NMT1: variants seen among roughly 807,000 people sequenced by gnomAD.
NMT1 encodes glycylpeptide N-tetradecanoyltransferase 1.
Under a neutral mutation model 63.4 loss-of-function variants are expected in NMT1, and 12 were observed. That is an observed-to-expected ratio of 0.19 (90% CI 0.12 to 0.31). NMT1 has a LOEUF of 0.31. NMT1 is among the 10% of genes least tolerant of loss of function. The pLI, the probability that NMT1 is intolerant of heterozygous loss-of-function variation, is 1.00. For synonymous variants in NMT1, 228 were observed against 234.3 expected, an observed-to-expected ratio of 0.97 and a Z score of 0.25; for missense variants, 432 against 634.6, an observed-to-expected ratio of 0.68 and a Z score of 3.43.
rs2054222244 is a variant in NMT1, at chr17:45,108,958, A to C, written c.*3319A>C. ...GGGTCGGGGAGGAAATACCAAATGC[A>C]TTGTTGTTCTGCTCAATACATCTCA... On this transcript the variant is annotated 3_prime_UTR_variant, in exon 12 of 12. Transcript: ENST00000258960. The C allele has an allele frequency of 2.6e-5, 4 of 152,620 alleles. No homozygotes were observed. Among genetic ancestry groups the C allele is most frequent in the African/African-American group, 7.2e-5 (3 of 41,436 alleles). 9.5% of individuals were successfully genotyped at this position (152,620 alleles called of 1,614,324 possible). A position where few individuals can be genotyped will look rare whatever the true frequency, so the allele number is the denominator to read the frequency against.
chr17:45,078,191 G>T (rs549829260), intron 1 of NMT1, among the ~76,000 whole-genome samples: 26 of 152,286 alleles, frequency 1.7e-4, no homozygotes, highest in African/African-American at 5.5e-4. Context: ...GAAAAATTGG[G>T]CTTGATACCT....
At chr17:45,083,174 C>T (rs1351578755) in intron 2 of NMT1, among the ~76,000 whole-genome samples, 3 of 150,844 alleles carry the variant, frequency 2.0e-5, no homozygotes, top group African/African-American at 7.3e-5. Context: ...AAAAAATTAG[C>T]CAGGCGTGGT....
intron 1 of NMT1, among the ~76,000 whole-genome samples, chr17:45,072,041 C>G (rs2053943055): frequency 6.6e-6 from 1 of 152,064 alleles, no homozygotes; most frequent in Admixed American, 6.6e-5. Flanking sequence ...AGCTTGAGTC[C>G]AGGAATTCAA....
intron 1 of NMT1, among the ~76,000 whole-genome samples, chr17:45,067,182 T>A (rs1042014562): frequency 1.4e-4 from 22 of 152,004 alleles, no homozygotes; most frequent in Admixed American, 7.9e-4. Context: ...TTTTTTTTTT[T>A]AATGAGAGTC....
chr17:45,061,359 G>C lies in NMT1; in HGVS notation c.30G>C (p.Lys10Asn), dbSNP rs757761311. The C allele has an allele frequency of 6.2e-7, 1 of 1,613,958 alleles. No individual in the cohort carries two copies. The highest frequency in any genetic ancestry group is 8.5e-7 in the Non-Finnish European group (1 of 1,179,970). Residue 10 changes from lysine (K) to asparagine (N), a missense_variant, in exon 1 of 12, where the codon AAG becomes AAC. Lys to Asn is a moderately conservative substitution (Grantham distance 94). This residue lies in a region of NMT1 where 121 missense variants were observed against 103.7 expected (regional missense o/e 1.17). Coordinates refer to ENST00000258960, the MANE Select transcript of NMT1 (RefSeq NM_021079.5). Reference sequence around the variant, plus strand: ...CGGACGAGAGTGAGACAGCAGTGAAGCCGCCGGCACCTCCGCTGCCGCAGA... The same window carrying C: ...CGGACGAGAGTGAGACAGCAGTGAACCCGCCGGCACCTCCGCTGCCGCAGA... The part of the protein sequence containing the change: MADESETAV[K>N]PPAPPLPQMM...
rs771865127 is a variant in NMT1 at position 45,103,150 on chromosome 17, C to G, written c.1164+29C>G. On this transcript the variant is annotated intron_variant, in intron 9 of 11. Coordinates refer to ENST00000258960, the MANE Select transcript of NMT1 (RefSeq NM_021079.5). The surrounding 1 kb of genome is among the most constrained non-coding windows in gnomAD (Gnocchi z 4.8). ...AGTCAGGGAGTGGTGTTCCAGGTCTCTAACACGTTCCCAGAGAGGCACCCC... is the reference window on the plus strand; with the variant it reads ...AGTCAGGGAGTGGTGTTCCAGGTCTGTAACACGTTCCCAGAGAGGCACCCC... 118 of 1,585,868 alleles carry G rather than the reference C, an allele frequency of 7.4e-5. No individual in the cohort carries two copies. Among genetic ancestry groups the G allele is most frequent in the Non-Finnish European group, 9.9e-5 (115 of 1,158,866 alleles).
chr17:45,102,999 G>A lies in NMT1; in HGVS notation c.1042G>A (p.Val348Ile). The A allele has an allele frequency of 6.2e-7, 1 of 1,614,086 alleles. No homozygotes were observed. Among genetic ancestry groups the A allele is most frequent in the Non-Finnish European group, 8.5e-7 (1 of 1,179,958 alleles). The change falls in exon 9 of 12, where the codon GTA (valine) becomes ATA (isoleucine). Residue 348 changes from valine to isoleucine, a missense_variant. Val to Ile is a conservative substitution (Grantham distance 29, BLOSUM62 3). Transcript: ENST00000258960. Reference sequence around the variant, plus strand: ...ACCAATGGAAACAAAGGACATTCCAGTAGTGCACCAGCTCCTCACCAGGTA... The same window carrying A: ...ACCAATGGAAACAAAGGACATTCCAATAGTGCACCAGCTCCTCACCAGGTA... ...LRPMETKDIP[V>I]VHQLLTRYLK...
intron 3 of NMT1, among the ~76,000 whole-genome samples, chr17:45,092,919 C>T (rs1403838869): frequency 2.0e-5 from 3 of 152,118 alleles, no homozygotes; most frequent in Non-Finnish European, 2.9e-5. Context: ...CATTGTAGAA[C>T]CGAAATCATC....
At chr17:45,093,936 G>T in intron 4 of NMT1, 133 bp downstream of exon 4, 1 of 659,630 alleles carries the variant, frequency 1.5e-6, no homozygotes. Flanking sequence ...ACTCCCGTCT[G>T]TAACTTCCTG....
Position 45,106,455 on chromosome 17 carries a change from G to T in NMT1, c.*816G>T, listed in dbSNP as rs995920796. ...ATTTAAAAGGGCTCTTTAGCCAGTT[G>T]TTGCCAACCTTATAGGGATGAGTCC... On this transcript the variant is annotated 3_prime_UTR_variant, in exon 12 of 12. Transcript: ENST00000258960. The T allele has an allele frequency of 1.4e-4, 21 of 152,658 alleles. No homozygotes were observed. The highest frequency in any genetic ancestry group is 5.1e-4 in the African/African-American group (21 of 41,462). 9.5% of individuals were successfully genotyped at this position (152,658 alleles called of 1,614,324 possible). A position where few individuals can be genotyped will look rare whatever the true frequency, so the allele number is the denominator to read the frequency against.
intron 1 of NMT1, among the ~76,000 whole-genome samples, chr17:45,072,473 C>T (rs1457644050): frequency 6.6e-6 from 1 of 151,556 alleles, no homozygotes; most frequent in African/African-American, 2.4e-5. Flanking sequence ...CCATGTTGGC[C>T]AGGCTGATCT....
intron 3 of NMT1, among the ~76,000 whole-genome samples, chr17:45,091,537 A>AG (rs1356471276): frequency 6.6e-6 from 1 of 152,174 alleles, no homozygotes; most frequent in African/African-American, 2.4e-5. Context: ...GAAATAATTC[A>AG]GGGGGAAAAA....
chr17:45,086,552 C>T lies in NMT1; in HGVS notation c.285C>T (p.Ala95=). The stretch of plus-strand genomic sequence containing the variant: ...AGAGGATCCAGGAAATACAGAAGGC[C>T]ATTGAGCTGTTCTCAGTGGGTCAGG... ...PAERIQEIQK[A]IELFSVGQGP... The change falls in exon 3 of 12, where the codon GCC becomes GCT. Residue 95 remains alanine, a synonymous_variant. Coordinates refer to ENST00000258960, the MANE Select transcript of NMT1 (RefSeq NM_021079.5). 1 of 1,613,230 alleles carries T rather than the reference C, an allele frequency of 6.2e-7. No homozygotes were observed. The highest frequency in any genetic ancestry group is 8.5e-7 in the Non-Finnish European group (1 of 1,179,646).
intron 1 of NMT1, among the ~76,000 whole-genome samples, chr17:45,070,397 C>T (rs889603122): frequency 6.6e-6 from 1 of 151,874 alleles, no homozygotes; most frequent in Admixed American, 6.6e-5. Flanking sequence ...ATTACAGGCA[C>T]CCGCCACCAT....
At chr17:45,090,655 C>T (rs192636952) in intron 3 of NMT1, among the ~76,000 whole-genome samples, 40 of 152,266 alleles carry the variant, frequency 2.6e-4, no homozygotes, top group Non-Finnish European at 3.5e-4. Context: ...TTCACAGTTG[C>T]ACCGCATTGC....
At position 45,098,543 on chromosome 17, in the gene NMT1, G is replaced by T. The variant is rs764042790; in HGVS notation, c.875G>T (p.Gly292Val). 1 of 1,613,876 alleles carries T rather than the reference G, an allele frequency of 6.2e-7. No homozygotes were observed. The highest frequency in any genetic ancestry group is 1.7e-5 in the Admixed American group (1 of 59,994). ...GGGGTGGTACTACCAAAGCCCGTTG[G>T]CACCTGCAGGTAAAACTGTCTTCCT... ...TAGVVLPKPV[G>V]TCRYWHRSLN... Residue 292 changes from glycine (G) to valine (V), a missense_variant, in exon 7 of 12, where the codon GGC becomes GTC. Gly to Val is a moderately radical substitution (Grantham distance 109). This residue lies in a region of NMT1 where 295 missense variants were observed against 489.7 expected (regional missense o/e 0.60). Transcript: ENST00000258960.
chr17:45,093,191 T>A (rs1338472732), intron 3 of NMT1, among the ~76,000 whole-genome samples: 1 of 152,354 alleles, frequency 6.6e-6, no homozygotes. Context: ...CTCACGCTGC[T>A]GAAAGCCAAG....
chr17:45,081,717 A>G lies in NMT1; in HGVS notation c.205A>G (p.Ser69Gly). The G allele has an allele frequency of 1.3e-6, 2 of 1,594,612 alleles. No homozygotes were observed. Among genetic ancestry groups the G allele is most frequent in the Non-Finnish European group, 8.6e-7 (1 of 1,169,134 alleles). ...ACAAAAAAAGAAGAAAGAAAAAGGC[A>G]GTGAGACAGATTCAGCCCAGGATCA... is the stretch of plus-strand genomic sequence containing the variant. ...KKQKKKKEKG[S>G]ETDSAQDQPV... The change falls in exon 2 of 12, where the codon AGT becomes GGT. Residue 69 changes from serine (S) to glycine (G), a missense_variant. By Grantham distance (56) the Ser-to-Gly change is moderately conservative. This residue lies in a region of NMT1 where 121 missense variants were observed against 103.7 expected (regional missense o/e 1.17). Coordinates refer to ENST00000258960, the MANE Select transcript of NMT1 (RefSeq NM_021079.5).
At chr17:45,096,994 C>A in intron 5 of NMT1, 134 bp from the exon 6 acceptor site, 1 of 703,148 alleles carries the variant, frequency 1.4e-6, no homozygotes, top group Non-Finnish European at 2.6e-6. Context: ...GAGGGCTTGG[C>A]CCTAAAGAGA....
Sources: gnomAD v4.1 joint callset for allele counts (sites outside exome capture counted in the v4.1 genomes callset) on GRCh38, gnomAD v4.1.1 for gene constraint, gnomAD v4.1.1 regional missense constraint, Gnocchi (gnomAD v3.1) non-coding constraint, MANE v1.5 for transcripts, NCBI Gene and HGNC (gene_info 2026-07-23, HGNC 2026-07-21) for gene names.